Variants in SCMH1 observed in about 807,000 individuals in gnomAD.
The protein encoded by SCMH1 is polycomb protein SCMH1.
Under a neutral mutation model 70.8 loss-of-function variants are expected in SCMH1, and 37 were observed. The ratio of observed to expected loss-of-function variants is 0.52; its 90% CI spans 0.40 to 0.69. The LOEUF is 0.69. Among genes scored for constraint, SCMH1 ranks in the 30% least tolerant of loss-of-function variants. The pLI, the probability that SCMH1 is intolerant of heterozygous loss-of-function variation, is 0.00. For missense variants in SCMH1, 607 were observed against 827.3 expected, an observed-to-expected ratio of 0.73 and a Z score of 3.27; for synonymous variants, 292 against 307.4, an observed-to-expected ratio of 0.95 and a Z score of 0.52.
chr1:41,052,980 C>T (rs980425255), intron 10 of SCMH1, among the ~76,000 whole-genome samples: 8 of 144,540 alleles, frequency 5.5e-5, no homozygotes, highest in East Asian at 4.1e-4. Context: ...TGCAGTGGTG[C>T]GGTCTTGGCT....
chr1:41,031,853 T>C (rs1397321837), intron 13 of SCMH1, among the ~76,000 whole-genome samples: 1 of 152,222 alleles, frequency 6.6e-6, no homozygotes, highest in African/African-American at 2.4e-5. Flanking sequence ...TATGATAGTA[T>C]ATATAAATAC....
chr1:41,090,463 A>G (rs1013641912), intron 8 of SCMH1, among the ~76,000 whole-genome samples: 4 of 152,096 alleles, frequency 2.6e-5, no homozygotes, highest in African/African-American at 7.2e-5. Flanking sequence ...TGGGATATGT[A>G]GCTGGAAAAG....
In SCMH1 at chr1:41,234,453, C is replaced by CT. The variant is rs66686109; in HGVS notation, c.-118+7605dup. On this transcript the variant is annotated intron_variant, in intron 1 of 14. Coordinates refer to ENST00000337495, the Ensembl canonical transcript of SCMH1. ...GCTGGGCAACGGAGCAACTCTGCCT[C>CT]TTTTTTTTTTTTTTTTTTTTTTTTT... Among the ~76,000 whole-genome samples, 15 of 49,422 alleles carry CT rather than the reference C, an allele frequency of 3.0e-4. 1 individual carries two copies. The highest frequency in any genetic ancestry group is 7.1e-4 in the African/African-American group (8 of 11,208). The allele number at this position is 49,422 out of a possible 152,430, so 32.4% of individuals were successfully genotyped here. A position where few individuals can be genotyped will look rare whatever the true frequency, so the allele number is the denominator to read the frequency against.
At chr1:41,109,002 C>A (rs1433615475) in intron 8 of SCMH1, among the ~76,000 whole-genome samples, 1 of 152,062 alleles carries the variant, frequency 6.6e-6, no homozygotes, top group African/African-American at 2.4e-5. Flanking sequence ...AAGCCAAAAT[C>A]CAGGGTCTCA....
intron 2 of SCMH1, among the ~76,000 whole-genome samples, chr1:41,177,435 C>T (rs1191367352): frequency 3.9e-5 from 6 of 152,032 alleles, no homozygotes; most frequent in Non-Finnish European, 8.8e-5. Flanking sequence ...GACGATCAAA[C>T]GACTCCGAGC....
intron 2 of SCMH1, among the ~76,000 whole-genome samples, chr1:41,176,401 G>T (rs1647142255): frequency 6.6e-6 from 1 of 152,308 alleles, no homozygotes; most frequent in African/African-American, 2.4e-5. Flanking sequence ...CGGACAGTGG[G>T]TGCAAGACAG....
intron 1 of SCMH1, among the ~76,000 whole-genome samples, chr1:41,206,639 C>T (rs1038088726): frequency 2.6e-5 from 4 of 152,190 alleles, no homozygotes; most frequent in Non-Finnish European, 4.4e-5. Flanking sequence ...TCCAGGAGAA[C>T]TTCTCCAACC....
intron 2 of SCMH1, among the ~76,000 whole-genome samples, chr1:41,168,097 T>A (rs879803771): frequency 2.0e-5 from 3 of 152,084 alleles, no homozygotes; most frequent in Non-Finnish European, 4.4e-5. Context: ...TGCTTTGGTG[T>A]GGATCTTTTC....
chr1:41,117,695 C>T (rs1490375759), intron 6 of SCMH1, among the ~76,000 whole-genome samples: 1 of 152,150 alleles, frequency 6.6e-6, no homozygotes, highest in Non-Finnish European at 1.5e-5. Flanking sequence ...TTAGCAGTAG[C>T]AAATTAGTGA....
intron 2 of SCMH1, among the ~76,000 whole-genome samples, chr1:41,179,605 G>T (rs558091967): frequency 6.6e-6 from 1 of 152,000 alleles, no homozygotes; most frequent in Non-Finnish European, 1.5e-5. Flanking sequence ...AATAAACTAG[G>T]ATATCTAGAA....
At chr1:41,079,227 G>T (rs1218793977) in intron 8 of SCMH1, among the ~76,000 whole-genome samples, 1 of 151,776 alleles carries the variant, frequency 6.6e-6, no homozygotes, top group Non-Finnish European at 1.5e-5. Flanking sequence ...GGAAGAACTT[G>T]GACAAATAGA....
intron 5 of SCMH1, among the ~76,000 whole-genome samples, chr1:41,149,054 T>C (rs377527748): frequency 5.4e-4 from 82 of 152,236 alleles, no homozygotes; most frequent in African/African-American, 2.0e-3. Context: ...GCCTCCTAAA[T>C]TGCTGGGATT....
intron 1 of SCMH1, among the ~76,000 whole-genome samples, chr1:41,222,981 A>T (rs978492713): frequency 1.3e-5 from 2 of 152,094 alleles, no homozygotes; most frequent in African/African-American, 4.8e-5. Context: ...ATTATAATTT[A>T]TTTGTCTGAT....
chr1:41,161,406 G>C (rs1365212313), exon 3 of SCMH1: 1 of 1,550,430 alleles, frequency 6.4e-7, no homozygotes, highest in Non-Finnish European at 8.7e-7. Context: ...CCATATTTGT[G>C]TTTTCTAACA....
At chr1:41,048,829 C>T in exon 11 of SCMH1, 1 of 1,614,214 alleles carries the variant, frequency 6.2e-7, no homozygotes, top group South Asian at 1.1e-5. Flanking sequence ...CAGGGAGTTG[C>T]TGGACCTTCT....
intron 8 of SCMH1, among the ~76,000 whole-genome samples, chr1:41,080,299 T>C (rs958185424): frequency 7.9e-5 from 12 of 152,014 alleles, no homozygotes; most frequent in African/African-American, 2.9e-4. Flanking sequence ...CTAGCAAATA[T>C]TTAAAGAAGA....
At chr1:41,085,071 A>C in intron 8 of SCMH1, among the ~76,000 whole-genome samples, 3 of 151,536 alleles carry the variant, frequency 2.0e-5, no homozygotes, top group Non-Finnish European at 2.9e-5. Flanking sequence ...GCACATGTAT[A>C]CATATGTAAC....
Position 41,167,907 on chromosome 1 carries a change from G to GT in SCMH1, c.14-6476dup, listed in dbSNP as rs202043541. ...GGGTATAGTATGCTTTGCTGGCAGT[G>GT]TTTTGTTTTTTTTTTTTTTTTCCTT... On this transcript the variant is annotated intron_variant, in intron 2 of 14. Transcript: ENST00000337495. 1.7e-3 allele frequency among the ~76,000 whole-genome samples: 85 copies of GT among 49,652 alleles called. 8 individuals carry two copies. The highest frequency in any genetic ancestry group is 8.9e-3 in the East Asian group (17 of 1,914). 32.6% of individuals were successfully genotyped at this position (49,652 alleles called of 152,430 possible).
chr1:41,137,921 T>C (rs2148165766), intron 6 of SCMH1, among the ~76,000 whole-genome samples: 1 of 152,380 alleles, frequency 6.6e-6, no homozygotes, highest in South Asian at 2.1e-4. Context: ...TTAACAATTA[T>C]ATTAAACTTT....
Sources: gnomAD v4.1 joint callset for allele counts (sites outside exome capture counted in the v4.1 genomes callset) on GRCh38, gnomAD v4.1.1 for gene constraint, MANE v1.5 for transcripts, NCBI Gene and HGNC (gene_info 2026-07-23, HGNC 2026-07-21) for gene names.